KIT: variants seen among roughly 807,000 people sequenced by gnomAD.
The protein encoded by KIT is mast/stem cell growth factor receptor Kit.
In KIT, 16 loss-of-function variants were observed where a neutral mutation model predicts 105.7. That is an observed-to-expected ratio of 0.15 (90% confidence interval 0.10 to 0.23). KIT has a LOEUF of 0.23. Ranked by LOEUF, KIT falls within the 10% of genes least tolerant of loss-of-function variation. The pLI is 1.00. For missense variants in KIT, 858 were observed against 1,213.8 expected, an observed-to-expected ratio of 0.71 and a Z score of 4.36; for synonymous variants, 438 against 441.1, an observed-to-expected ratio of 0.99 and a Z score of 0.09.
rs1330171716 is a variant in KIT at position 54,695,526 on chromosome 4, T to G, written c.82T>G (p.Ser28Ala). ...TTTCTTGGCAGGCTCTTCTCAACCA[T>G]CTGTGAGTCCAGGGGAACCGTCTCC... is the stretch of plus-strand genomic sequence containing the variant. ...LRVQTGSSQP[S>A]VSPGEPSPPS... Residue 28 changes from serine to alanine, a missense_variant, in exon 2 of 21, where the codon TCT becomes GCT. Transcript: ENST00000288135. 1 of 1,614,180 alleles carries G rather than the reference T, an allele frequency of 6.2e-7. No homozygotes were observed. Among genetic ancestry groups the G allele is most frequent in the Admixed American group, 1.7e-5 (1 of 60,018 alleles).
chr4:54,679,672 A>G (rs1216794353), intron 1 of KIT, among the ~76,000 whole-genome samples: 2 of 152,242 alleles, frequency 1.3e-5, no homozygotes, highest in Non-Finnish European at 2.9e-5. Context: ...AGTATAATTT[A>G]TAGCATTTTT....
intron 7 of KIT, among the ~76,000 whole-genome samples, chr4:54,712,235 AC>A (rs2109724983): frequency 6.6e-6 from 1 of 152,356 alleles, no homozygotes; most frequent in East Asian, 1.9e-4. Flanking sequence ...ATGAAAAAGA[AC>A]AATATACAAA....
chr4:54,736,226 ATGTCTGGCTGTCTC>A (rs1472083092), intron 17 of KIT, among the ~76,000 whole-genome samples: 1 of 152,130 alleles, frequency 6.6e-6, no homozygotes, highest in Non-Finnish European at 1.5e-5. Flanking sequence ...CAGGGCTAAA[ATGTCTGGCTGTCTC>A]TGACGTTTGT....
chr4:54,691,014 T>A (rs913186942), intron 1 of KIT, among the ~76,000 whole-genome samples: 1 of 152,202 alleles, frequency 6.6e-6, no homozygotes, highest in African/African-American at 2.4e-5. Context: ...ACTCTAGAAG[T>A]GAAGCATGAA....
At chr4:54,733,034 A>T (rs746430197) in intron 16 of KIT, 36 bp from the exon 17 acceptor site, 1 of 1,592,194 alleles carries the variant, frequency 6.3e-7, no homozygotes, top group Admixed American at 1.7e-5. Context: ...GTTAAAATGA[A>T]TTTAAATGGT....
rs767974261 is a variant in KIT at position 54,738,412 on chromosome 4, G to A, written c.2803-17G>A. ...TTGTAGGGACTGCTGTATTGACTAT[G>A]GGCTTGTTTTCTCCAGATTTACTCC... On this transcript the variant is annotated splice_polypyrimidine_tract_variant and intron_variant, in intron 20 of 20. Coordinates refer to ENST00000288135, the MANE Select transcript of KIT (RefSeq NM_000222.3). 1 of 1,613,910 alleles carries A rather than the reference G, an allele frequency of 6.2e-7. No individual in the cohort carries two copies. The highest frequency in any genetic ancestry group is 8.5e-7 in the Non-Finnish European group (1 of 1,179,874).
At chr4:54,673,324 T>A (rs1473480837) in intron 1 of KIT, among the ~76,000 whole-genome samples, 1 of 152,206 alleles carries the variant, frequency 6.6e-6, no homozygotes, top group Non-Finnish European at 1.5e-5. Context: ...TTCTCTCAAA[T>A]CCTTTTAACC....
chr4:54,684,172 T>TGGGTG (rs149224408), intron 1 of KIT, among the ~76,000 whole-genome samples: 90 of 141,010 alleles, frequency 6.4e-4, no homozygotes, highest in East Asian at 9.8e-4. Context: ...CAGAGGTGTG[T>TGGGTG]GGGTGGGGTG....
intron 1 of KIT, among the ~76,000 whole-genome samples, chr4:54,684,016 G>A (rs980397703): frequency 1.3e-5 from 2 of 152,166 alleles, no homozygotes; most frequent in African/African-American, 2.4e-5. Context: ...AGGTGGGATC[G>A]GCACAAATGA....
chr4:54,688,263 A>G (rs1719457106), intron 1 of KIT, among the ~76,000 whole-genome samples: 1 of 152,134 alleles, frequency 6.6e-6, no homozygotes, highest in East Asian at 1.9e-4. Context: ...GTTTATTCCT[A>G]TGGGGATATA....
intron 7 of KIT, among the ~76,000 whole-genome samples, chr4:54,721,777 T>G (rs891199017): frequency 6.6e-6 from 1 of 152,242 alleles, no homozygotes; most frequent in African/African-American, 2.4e-5. Flanking sequence ...TCCTTCTCAC[T>G]GCATATATTT....
rs760202088 is a variant in KIT, at chr4:54,736,871, CT to C, written c.2696+56del. The stretch of plus-strand genomic sequence containing the variant: ...AGGTCACGTTTTCCCTTTTATTTTT[CT>C]TTTTAGAGACAGAAACCCAGATGTT... On this transcript the variant is annotated intron_variant, in intron 19 of 20. Transcript: ENST00000288135. 3.1e-5 allele frequency: 43 copies of C among 1,407,992 alleles called. No homozygotes were observed. In the Admixed American group the frequency reaches 3.4e-4, roughly 11 times the overall value. 87.2% of individuals were successfully genotyped at this position (1,407,992 alleles called of 1,614,324 possible).
chr4:54,677,655 T>C (rs150850171), intron 1 of KIT, among the ~76,000 whole-genome samples: 441 of 152,314 alleles, frequency 2.9e-3, no homozygotes, highest in Admixed American at 6.1e-3. Context: ...CCAAATCTAT[T>C]TGTTAGAAGA....
chr4:54,714,837 G>A (rs903902417), intron 7 of KIT, among the ~76,000 whole-genome samples: 2 of 152,134 alleles, frequency 1.3e-5, no homozygotes, highest in Non-Finnish European at 2.9e-5. Context: ...TGATCCTCAC[G>A]TGGTGGTGAC....
At chr4:54,683,559 A>G (rs1178259149) in intron 1 of KIT, among the ~76,000 whole-genome samples, 1 of 152,178 alleles carries the variant, frequency 6.6e-6, no homozygotes, top group Non-Finnish European at 1.5e-5. Flanking sequence ...CATTTCATCT[A>G]ATATATACAA....
chr4:54,690,064 G>GC (rs1286761127), intron 1 of KIT, among the ~76,000 whole-genome samples: 2 of 138,454 alleles, frequency 1.4e-5, no homozygotes, highest in Non-Finnish European at 3.2e-5. Flanking sequence ...TTTGTGGGGG[G>GC]GGGGGGCTGT....
intron 7 of KIT, among the ~76,000 whole-genome samples, chr4:54,721,615 G>A (rs1721881464): frequency 6.6e-6 from 1 of 152,182 alleles, no homozygotes; most frequent in South Asian, 2.1e-4. Context: ...AGGTGGGTGT[G>A]TCATGCATGT....
chr4:54,718,137 G>A (rs565666266), intron 7 of KIT, among the ~76,000 whole-genome samples: 22 of 152,298 alleles, frequency 1.4e-4, no homozygotes, highest in African/African-American at 4.8e-4. Flanking sequence ...GTCTTGTTCC[G>A]TCGCCTAAGC....
chr4:54,703,625 G>A, intron 4 of KIT, 99 bp from the exon 5 acceptor site: 1 of 929,986 alleles, frequency 1.1e-6, no homozygotes, highest in Non-Finnish European at 1.7e-6. Context: ...TTAATATGGA[G>A]AAGTTAATTG....
Sources: allele counts gnomAD v4.1 joint callset (sites outside exome capture counted in the v4.1 genomes callset), GRCh38; gene constraint gnomAD v4.1.1; transcripts MANE v1.5; gene names NCBI Gene and HGNC (gene_info 2026-07-23, HGNC 2026-07-21).